SLC44A2: variants seen among roughly 807,000 people sequenced by gnomAD.
SLC44A2 encodes choline transporter-like protein 2.
SLC44A2 carries 57 observed loss-of-function variants against 90.8 expected under a neutral mutation model. The ratio of observed to expected loss-of-function variants is 0.63; its 90% CI spans 0.51 to 0.78. The LOEUF (loss-of-function observed/expected upper bound fraction) is 0.78, where lower values mean the gene tolerates loss of function less well. Among genes scored for constraint, SLC44A2 ranks in the 30% least tolerant of loss-of-function variants. The pLI, the probability that SLC44A2 is intolerant of heterozygous loss-of-function variation, is 0.00. For synonymous variants in SLC44A2, 355 were observed against 360.7 expected, an observed-to-expected ratio of 0.98 and a Z score of 0.18; for missense variants, 794 against 919.7, an observed-to-expected ratio of 0.86 and a Z score of 1.77.
chr19:10,629,071 G>A (rs1203668807), intron 4 of SLC44A2, among the ~76,000 whole-genome samples: 5 of 151,482 alleles, frequency 3.3e-5, no homozygotes, highest in Non-Finnish European at 1.5e-5. Context: ...GGGCATTGTG[G>A]CATGTTCCTG....
At chr19:10,637,569 T>G in intron 16 of SLC44A2, 75 bp from the exon 17 acceptor site, 3 of 1,319,898 alleles carry the variant, frequency 2.3e-6, no homozygotes, top group Non-Finnish European at 3.3e-6. Flanking sequence ...CAAGTGTGTG[T>G]GATAGGGAAG....
Position 10,636,547 on chromosome 19 carries a change from G to A in SLC44A2, c.1458G>A (p.Pro486=). 3 of 1,608,030 alleles carry A rather than the reference G, an allele frequency of 1.9e-6. No individual in the cohort carries two copies. Among genetic ancestry groups the A allele is most frequent in the African/African-American group, 1.3e-5 (1 of 75,014 alleles). ...CCCTGCGCAAGCCGGACGACCTGCCGGCCTTCCCGCTCTTCTCTGCCTTTG... is the reference window on the plus strand; with the variant it reads ...CCCTGCGCAAGCCGGACGACCTGCCAGCCTTCCCGCTCTTCTCTGCCTTTG... The part of the protein sequence containing the change: ...YWALRKPDDL[P]AFPLFSAFGR... Residue 486 remains proline, a synonymous_variant, in exon 15 of 22, where the codon CCG becomes CCA. Coordinates refer to ENST00000335757, the MANE Select transcript of SLC44A2 (RefSeq NM_020428.4).
rs759620312 is a variant in SLC44A2 at position 10,636,765 on chromosome 19, C to T, written c.1591+9C>T. 2 of 1,611,898 alleles carry T rather than the reference C, an allele frequency of 1.2e-6. No individual in the cohort carries two copies. Among genetic ancestry groups the T allele is most frequent in the East Asian group, 2.2e-5 (1 of 44,756 alleles). ...GGATCAGCGGCTGAAAGGTACGTCC[C>T]ACCCACGGTTCGCATTAGCTCCTGT... On this transcript the variant is annotated intron_variant, in intron 16 of 21. Coordinates refer to ENST00000335757, the MANE Select transcript of SLC44A2 (RefSeq NM_020428.4).
Position 10,642,362 on chromosome 19 carries a change from C to A in SLC44A2, c.1930-5C>A, listed in dbSNP as rs375469547. Reference sequence around the variant, plus strand: ...AGCAGGGACAGCTCGTTTCTCCTTGCCCAGACGGTGATCGTTGGCTCCTAC... The same window carrying A: ...AGCAGGGACAGCTCGTTTCTCCTTGACCAGACGGTGATCGTTGGCTCCTAC... On this transcript the variant is annotated splice_polypyrimidine_tract_variant and splice_region_variant and intron_variant, in intron 20 of 21. Transcript: ENST00000335757. 1 of 1,613,770 alleles carries A rather than the reference C, an allele frequency of 6.2e-7. No homozygotes were observed. Among genetic ancestry groups the A allele is most frequent in the African/African-American group, 1.3e-5 (1 of 74,868 alleles).
intron 1 of SLC44A2, among the ~76,000 whole-genome samples, chr19:10,603,104 A>G (rs1918008148): frequency 6.6e-6 from 1 of 152,100 alleles, no homozygotes; most frequent in Non-Finnish European, 1.5e-5. Flanking sequence ...GTGAGGGGGC[A>G]GGAAGGAAGC....
chr19:10,616,325 C>T (rs141018478), intron 1 of SLC44A2, among the ~76,000 whole-genome samples: 4 of 152,102 alleles, frequency 2.6e-5, no homozygotes, highest in African/African-American at 7.2e-5. Flanking sequence ...CCGTCTCCCC[C>T]GGCTCAAAGA....
At chr19:10,636,013 G>A (rs1357614753) in intron 14 of SLC44A2, 1 of 349,742 alleles carries the variant, frequency 2.9e-6, no homozygotes, top group East Asian at 6.1e-5. Context: ...TCCTGACCTC[G>A]TGATCCACCT....
In SLC44A2 at chr19:10,643,572, C is replaced by A. The variant is rs535322376; in HGVS notation, c.*187C>A. On this transcript the variant is annotated 3_prime_UTR_variant, in exon 22 of 22. Transcript: ENST00000335757. ...GGCATCTCCTTCTTATGCCAAGGGG[C>A]GCTTGGAGTTTTCATGGCTGCCCCT... The A allele has an allele frequency of 8.5e-5, 54 of 637,352 alleles. No homozygotes were observed. The African/African-American group carries it at 1.0e-3, about 12-fold the overall frequency. 39.5% of individuals were successfully genotyped at this position (637,352 alleles called of 1,614,324 possible).
At chr19:10,630,632 GC>G (rs2066983567) in intron 4 of SLC44A2, among the ~76,000 whole-genome samples, 1 of 137,442 alleles carries the variant, frequency 7.3e-6, no homozygotes, top group Non-Finnish European at 1.6e-5. Flanking sequence ...TTGCACTCCA[GC>G]CTAGGCAACA....
chr19:10,622,726 C>A (rs1302066909), upstream of SLC44A2, among the ~76,000 whole-genome samples: 1 of 151,840 alleles, frequency 6.6e-6, no homozygotes, highest in Non-Finnish European at 1.5e-5. Context: ...CATTGCGAGA[C>A]CCTGTCTCTA....
At chr19:10,640,998 A>T in intron 20 of SLC44A2, 1 of 348,838 alleles carries the variant, frequency 2.9e-6, no homozygotes, top group Non-Finnish European at 5.6e-6. Flanking sequence ...GAGGTAAGAG[A>T]ATCGCTTGAA....
chr19:10,637,854 A>T lies in SLC44A2; in HGVS notation c.1696-2A>T. The T allele has an allele frequency of 1.9e-6, 3 of 1,614,042 alleles. No homozygotes were observed. The highest frequency in any genetic ancestry group is 2.5e-6 in the Non-Finnish European group (3 of 1,179,990). On this transcript the variant is annotated splice_acceptor_variant, in intron 17 of 21. Coordinates refer to ENST00000335757, the MANE Select transcript of SLC44A2 (RefSeq NM_020428.4). LOFTEE classifies it high-confidence loss of function. Reference sequence around the variant, plus strand: ...TGATCTCTCCCTCCCACTCTCCTCCAGATTGCCATCTACGGCACCAATTTC... The same window carrying T: ...TGATCTCTCCCTCCCACTCTCCTCCTGATTGCCATCTACGGCACCAATTTC...
chr19:10,643,478 T>A lies in SLC44A2; in HGVS notation c.*93T>A. 7.0e-7 allele frequency: 1 copy of A among 1,424,758 alleles called. No individual in the cohort carries two copies. The allele number at this position is 1,424,758 out of a possible 1,614,324, so 88.3% of individuals were successfully genotyped here. ...CCCAGCCCCTTGGGCTCACCTGAAGTCCTATCACTGCCGCTCTGCCCCTCC... is the reference window on the plus strand; with the variant it reads ...CCCAGCCCCTTGGGCTCACCTGAAGACCTATCACTGCCGCTCTGCCCCTCC... On this transcript the variant is annotated 3_prime_UTR_variant, in exon 22 of 22. Coordinates refer to ENST00000335757, the MANE Select transcript of SLC44A2 (RefSeq NM_020428.4).
intron 1 of SLC44A2, among the ~76,000 whole-genome samples, chr19:10,616,429 GT>G (rs879568604): frequency 2.2e-4 from 34 of 151,844 alleles, no homozygotes; most frequent in Middle Eastern, 6.8e-3. Context: ...TTGTTTTGTT[GT>G]TTTTTTAGAG....
Position 10,643,345 on chromosome 19 carries a change from A to G in SLC44A2, c.2081A>G (p.Lys694Arg), listed in dbSNP as rs575923698. Reference protein sequence around the residue: ...RPYFMSSTLKKLLNKTNKKAA... With the variant: ...RPYFMSSTLKRLLNKTNKKAA... ...TACTTCATGTCTTCCACCCTCAAGA[A>G]ACTCTTGAACAAGACCAACAAGAAG... Residue 694 changes from lysine to arginine, a missense_variant, in exon 22 of 22, where the codon AAA becomes AGA. This residue lies in a region of SLC44A2 where 44 missense variants were observed against 43.9 expected (regional missense o/e 1.00). Coordinates refer to ENST00000335757, the MANE Select transcript of SLC44A2 (RefSeq NM_020428.4). 2.5e-6 allele frequency: 4 copies of G among 1,613,040 alleles called. No individual in the cohort carries two copies. The Admixed American group carries it at 6.7e-5, about 27-fold the overall frequency.
intron 1 of SLC44A2, chr19:10,602,575 C>T (rs1462837251): frequency 7.9e-7 from 1 of 1,270,342 alleles, no homozygotes; most frequent in Non-Finnish European, 1.0e-6. Flanking sequence ...GGAGCCGCCT[C>T]CGGTCAGGGG....
intron 4 of SLC44A2, 52 bp from the exon 5 acceptor site, chr19:10,631,005 C>CAA (rs60016481): frequency 0.045 from 53,601 of 1,197,316 alleles, 1 homozygote; most frequent in Non-Finnish European, 0.05. Context: ...GACTCTGTCT[C>CAA]AAAAAAAAAA....
At chr19:10,641,427 G>A (rs2067115214) in intron 20 of SLC44A2, 1 of 443,102 alleles carries the variant, frequency 2.3e-6, no homozygotes, top group Non-Finnish European at 4.5e-6. Flanking sequence ...CCCACTCTAG[G>A]TGTCGTAGGT....
At chr19:10,615,217 G>T (rs942883882) in intron 1 of SLC44A2, among the ~76,000 whole-genome samples, 1 of 151,008 alleles carries the variant, frequency 6.6e-6, no homozygotes, top group South Asian at 2.1e-4. Context: ...GATCATTTGA[G>T]GTCAGGACTT....
Sources: allele counts gnomAD v4.1 joint callset (sites outside exome capture counted in the v4.1 genomes callset), GRCh38; gene constraint gnomAD v4.1.1; regional missense constraint gnomAD v4.1.1; transcripts MANE v1.5; gene names NCBI Gene and HGNC (gene_info 2026-07-23, HGNC 2026-07-21).